PAPSS1: variants seen among roughly 807,000 people sequenced by gnomAD.
PAPSS1 encodes the protein 3'-phosphoadenosine 5'-phosphosulfate synthase 1.
Under a neutral mutation model 72.0 loss-of-function variants are expected in PAPSS1, and 50 were observed. That is an observed-to-expected ratio of 0.69 (90% confidence interval 0.55 to 0.88). The LOEUF (loss-of-function observed/expected upper bound fraction) is 0.88. Among genes scored for constraint, PAPSS1 ranks in the 40% least tolerant of loss-of-function variants. The pLI is 0.00. For synonymous variants in PAPSS1, 261 were observed against 263.6 expected (o/e 0.99, Z 0.09); for missense variants, 657 against 782.2 (o/e 0.84, Z 1.91).
intron 11 of PAPSS1, 45 bp from the exon 12 acceptor site, chr4:107,614,432 C>A: frequency 6.7e-7 from 1 of 1,500,596 alleles, no homozygotes; most frequent in Non-Finnish European, 9.2e-7. Flanking sequence ...ATTTTAGAAA[C>A]TTAGATTTTT....
intron 11 of PAPSS1, among the ~76,000 whole-genome samples, chr4:107,625,182 T>C (rs1180439478): frequency 6.8e-6 from 1 of 146,922 alleles, no homozygotes; most frequent in African/African-American, 2.4e-5. Flanking sequence ...AAATGTTCAC[T>C]AGTGTGGCAG....
chr4:107,681,732 C>T (rs949423138), intron 5 of PAPSS1, among the ~76,000 whole-genome samples: 5 of 152,110 alleles, frequency 3.3e-5, no homozygotes, highest in Admixed American at 3.3e-4. Flanking sequence ...GCTGGATTTT[C>T]TGTTAGGTAT....
At chr4:107,645,191 A>T in intron 9 of PAPSS1, 121 bp from the exon 10 acceptor site, 1 of 627,542 alleles carries the variant, frequency 1.6e-6, no homozygotes, top group Non-Finnish European at 2.4e-6. Flanking sequence ...CAAACTCAGA[A>T]ATCAGAAAAC....
intron 5 of PAPSS1, among the ~76,000 whole-genome samples, chr4:107,670,815 A>G (rs1365173727): frequency 1.3e-5 from 2 of 152,234 alleles, no homozygotes. Flanking sequence ...TGGGATTACA[A>G]GTGTGAACCA....
intron 1 of PAPSS1, among the ~76,000 whole-genome samples, chr4:107,716,774 A>T (rs1357802477): frequency 6.6e-6 from 1 of 152,210 alleles, no homozygotes; most frequent in Non-Finnish European, 1.5e-5. Flanking sequence ...TACTATTCCC[A>T]CAGGTATATG....
At chr4:107,704,987 T>C (rs1322756312) in intron 1 of PAPSS1, among the ~76,000 whole-genome samples, 1 of 151,844 alleles carries the variant, frequency 6.6e-6, no homozygotes, top group Non-Finnish European at 1.5e-5. Flanking sequence ...TGTTGAACCA[T>C]CTTTGCATCC....
intron 11 of PAPSS1, among the ~76,000 whole-genome samples, chr4:107,629,526 C>T (rs1726179703): frequency 1.3e-5 from 2 of 152,160 alleles, no homozygotes; most frequent in South Asian, 2.1e-4. Flanking sequence ...AAAACCACTA[C>T]ACCCAGATCA....
At chr4:107,719,070 C>T (rs1272807195) in intron 1 of PAPSS1, among the ~76,000 whole-genome samples, 1 of 152,158 alleles carries the variant, frequency 6.6e-6, no homozygotes, top group African/African-American at 2.4e-5. Context: ...CCTTCCCCTC[C>T]TTACCATCTA....
intron 11 of PAPSS1, among the ~76,000 whole-genome samples, chr4:107,627,769 A>C (rs1355979316): frequency 6.6e-6 from 1 of 152,114 alleles, no homozygotes; most frequent in African/African-American, 2.4e-5. Flanking sequence ...TTTGGTAGAA[A>C]AGGTCCATTG....
chr4:107,700,780 G>A (rs908702201), intron 2 of PAPSS1, among the ~76,000 whole-genome samples: 5 of 152,136 alleles, frequency 3.3e-5, no homozygotes, highest in East Asian at 1.9e-4. Flanking sequence ...CCAGAACTAT[G>A]AGAAATAAAT....
chr4:107,661,670 C>T (rs1157155816), intron 5 of PAPSS1, among the ~76,000 whole-genome samples: 1 of 151,924 alleles, frequency 6.6e-6, no homozygotes, highest in East Asian at 1.9e-4. Context: ...TTTTTTAAAA[C>T]AATACAAAAC....
intron 1 of PAPSS1, among the ~76,000 whole-genome samples, chr4:107,717,048 G>C (rs1259793726): frequency 1.3e-5 from 2 of 151,492 alleles, no homozygotes; most frequent in Non-Finnish European, 2.9e-5. Flanking sequence ...TATTTGAAAA[G>C]TGGATAGTAT....
Position 107,654,842 on chromosome 4 carries a change from C to T in PAPSS1, c.954G>A (p.Glu318=). The T allele has an allele frequency of 6.2e-7, 1 of 1,614,030 alleles. No individual in the cohort carries two copies. Among genetic ancestry groups the T allele is most frequent in the South Asian group, 1.1e-5 (1 of 91,080 alleles). ...CAAATGCTGTACAGCCGTCCAGCCT[C>T]TCTTTATCTTCATGAGTCGCAGTCA... is the stretch of plus-strand genomic sequence containing the variant. ...IVLTATHEDK[E]RLDGCTAFAL... The change falls in exon 8 of 12, where the codon GAG becomes GAA. Residue 318 remains glutamate, a synonymous_variant. Transcript: ENST00000265174.
intron 1 of PAPSS1, among the ~76,000 whole-genome samples, chr4:107,712,601 G>A (rs372839009): frequency 2.6e-5 from 4 of 152,192 alleles, no homozygotes; most frequent in Admixed American, 6.5e-5. Flanking sequence ...GTGGCCGGGC[G>A]TGGTGGCTCA....
chr4:107,701,455 A>G (rs1723204066), intron 1 of PAPSS1, among the ~76,000 whole-genome samples, 170 bp from the exon 2 acceptor site: 1 of 151,964 alleles, frequency 6.6e-6, no homozygotes, highest in Non-Finnish European at 1.5e-5. Context: ...TGCTTTCCAC[A>G]TGCCAACTGA....
Position 107,636,314 on chromosome 4 carries a change from T to A in PAPSS1, c.1507-4454A>T, listed in dbSNP as rs755004801. Among the ~76,000 whole-genome samples the A allele has an allele frequency of 1.1e-4, 16 of 152,052 alleles. 1 individual carries two copies. The highest frequency in any genetic ancestry group is 1.6e-4 in the Non-Finnish European group (11 of 68,018). ...AAAAAGATCAATATTTAAATTAACA[T>A]AAGAAGGTATTTATAATATAGGAAG... On this transcript the variant is annotated intron_variant, in intron 10 of 11. Coordinates refer to ENST00000265174, the MANE Select transcript of PAPSS1 (RefSeq NM_005443.5).
At chr4:107,623,713 C>T (rs938147599) in intron 11 of PAPSS1, among the ~76,000 whole-genome samples, 1 of 152,144 alleles carries the variant, frequency 6.6e-6, no homozygotes, top group African/African-American at 2.4e-5. Context: ...CCACCTTGAT[C>T]ATGGGCAGAG....
At chr4:107,658,538 G>C (rs1242695609) in intron 6 of PAPSS1, among the ~76,000 whole-genome samples, 1 of 152,124 alleles carries the variant, frequency 6.6e-6, no homozygotes, top group African/African-American at 2.4e-5. Flanking sequence ...ATGTAAGCTG[G>C]ATATGCTCAT....
intron 9 of PAPSS1, among the ~76,000 whole-genome samples, chr4:107,651,214 G>A (rs887763740): frequency 3.9e-5 from 6 of 152,160 alleles, no homozygotes; most frequent in African/African-American, 9.7e-5. Context: ...AAGAAGCCAC[G>A]AAAGAAATGT....
Sources: gnomAD v4.1 joint callset for allele counts (sites outside exome capture counted in the v4.1 genomes callset) on GRCh38, gnomAD v4.1.1 for gene constraint, MANE v1.5 for transcripts, NCBI Gene and HGNC (gene_info 2026-07-23, HGNC 2026-07-21) for gene names.